ADAM18: variants seen among roughly 807,000 people sequenced by gnomAD.
ADAM18 encodes the protein ADAM metallopeptidase domain 18.
A neutral mutation model predicts 94.4 loss-of-function variants in ADAM18; 117 were observed. That is an observed-to-expected ratio of 1.24 (90% CI 1.07 to 1.45). The LOEUF (loss-of-function observed/expected upper bound fraction) is 1.45. Among genes scored for constraint, ADAM18 ranks in the 40% most tolerant of loss-of-function variants. ADAM18 has a pLI of 0.00. For missense variants in ADAM18, 936 were observed against 880.0 expected, an observed-to-expected ratio of 1.06 and a Z score of -0.81; for synonymous variants, 327 against 291.6, an observed-to-expected ratio of 1.12 and a Z score of -1.24.
chr8:39,607,851 T>C (rs1003134773), intron 3 of ADAM18, among the ~76,000 whole-genome samples: 1 of 151,994 alleles, frequency 6.6e-6, no homozygotes, highest in Non-Finnish European at 1.5e-5. Context: ...AATCATCTGG[T>C]TGTTTAATTC....
chr8:39,614,913 T>C (rs1164934653), intron 6 of ADAM18, among the ~76,000 whole-genome samples: 2 of 152,194 alleles, frequency 1.3e-5, no homozygotes, highest in African/African-American at 4.8e-5. Context: ...TTAACTATCC[T>C]AAACAGATTT....
At chr8:39,632,840 C>G (rs186693375) in intron 7 of ADAM18, among the ~76,000 whole-genome samples, 1 of 152,206 alleles carries the variant, frequency 6.6e-6, no homozygotes, top group East Asian at 1.9e-4. Context: ...ATATGATATA[C>G]ATAGGGAAGT....
chr8:39,679,187 T>C (rs1024849027), intron 15 of ADAM18, among the ~76,000 whole-genome samples: 4 of 152,184 alleles, frequency 2.6e-5, no homozygotes, highest in African/African-American at 9.6e-5. Context: ...AAGCCTCAAA[T>C]GATTCTTTTA....
At chr8:39,683,666 A>G (rs1821529457) in intron 16 of ADAM18, among the ~76,000 whole-genome samples, 1 of 152,172 alleles carries the variant, frequency 6.6e-6, no homozygotes, top group African/African-American at 2.4e-5. Flanking sequence ...TATATTCAGT[A>G]TTTTCCATGA....
intron 14 of ADAM18, among the ~76,000 whole-genome samples, chr8:39,673,312 T>C (rs981100843): frequency 6.6e-6 from 1 of 151,852 alleles, no homozygotes; most frequent in Non-Finnish European, 1.5e-5. Flanking sequence ...TTGGCAAGTG[T>C]ATTATTATTA....
At position 39,612,993 on chromosome 8, in the gene ADAM18, T is replaced by C. The variant is rs141113211; in HGVS notation, c.522+2287T>C. ...TCACCCCTGCCAGTACATGTACACA[T>C]GCAGACCCCATAGAGCTACCACCGC... On this transcript the variant is annotated intron_variant, in intron 6 of 19. Transcript: ENST00000265707. 2.8e-3 allele frequency among the ~76,000 whole-genome samples: 423 copies of C among 152,272 alleles called. 5 individuals carry two copies. The highest frequency in any genetic ancestry group is 9.8e-3 in the African/African-American group (407 of 41,558).
rs140386827 is a variant in ADAM18, at chr8:39,702,605, T to C, written c.1903-4185T>C. On this transcript the variant is annotated intron_variant, in intron 17 of 19. Transcript: ENST00000265707. ...TTGCCTAGGTCTTATTCCAAGGTTT[T>C]TGTAGTTTTGGATTTTAATTTTAAG... 3.5e-4 allele frequency among the ~76,000 whole-genome samples: 53 copies of C among 152,316 alleles called. No homozygotes were observed. In the East Asian group the frequency reaches 7.1e-3, roughly 20 times the overall value.
chr8:39,655,573 A>G lies in ADAM18; in HGVS notation c.1230+7046A>G, dbSNP rs114121897. Reference sequence around the variant, plus strand: ...AACATCATGCATAACAGTTGTTCTCACTGAGGTCAGAAATGAGGCAGTGAT... The same window carrying G: ...AACATCATGCATAACAGTTGTTCTCGCTGAGGTCAGAAATGAGGCAGTGAT... On this transcript the variant is annotated intron_variant, in intron 12 of 19. Transcript: ENST00000265707. Among the ~76,000 whole-genome samples the G allele has an allele frequency of 6.0e-3, 914 of 152,226 alleles. 5 individuals carry two copies. The highest frequency in any genetic ancestry group is 0.021 in the African/African-American group (868 of 41,570).
rs115423727 is a variant in ADAM18 at position 39,718,137 on chromosome 8, C to G, written c.2018-5611C>G. ...TTGGTAAGGATATAAAATGGTGCAG[C>G]TGTTATGAAAAACAGTATGGAGGTT... On this transcript the variant is annotated intron_variant, in intron 18 of 19. Coordinates refer to ENST00000265707, the MANE Select transcript of ADAM18 (RefSeq NM_014237.3). Among the ~76,000 whole-genome samples, 933 of 151,564 alleles carry G rather than the reference C, an allele frequency of 6.2e-3. 10 individuals carry two copies. The highest frequency in any genetic ancestry group is 0.021 in the African/African-American group (886 of 41,448).
chr8:39,602,198 A>T (rs547652535), intron 2 of ADAM18, among the ~76,000 whole-genome samples: 1 of 152,272 alleles, frequency 6.6e-6, no homozygotes, highest in East Asian at 1.9e-4. Flanking sequence ...TGAGGTTTTA[A>T]ATCATATAAT....
intron 6 of ADAM18, chr8:39,610,942 A>G: frequency 8.2e-7 from 1 of 1,225,258 alleles, no homozygotes; most frequent in Non-Finnish European, 1.0e-6. Flanking sequence ...TTTCAAACAA[A>G]ATGATACTAT....
At chr8:39,609,957 G>T (rs896600290) in intron 5 of ADAM18, among the ~76,000 whole-genome samples, 2 of 152,062 alleles carry the variant, frequency 1.3e-5, no homozygotes, top group African/African-American at 4.8e-5. Context: ...GATCCCTCAG[G>T]AATAAAGGAT....
At chr8:39,660,497 G>A (rs1432479604) in intron 12 of ADAM18, among the ~76,000 whole-genome samples, 1 of 151,952 alleles carries the variant, frequency 6.6e-6, no homozygotes, top group Non-Finnish European at 1.5e-5. Context: ...ACAGTCACAA[G>A]AAACAACAAA....
chr8:39,722,574 C>T (rs1332709690), intron 18 of ADAM18, among the ~76,000 whole-genome samples: 1 of 151,234 alleles, frequency 6.6e-6, no homozygotes, highest in Non-Finnish European at 1.5e-5. Context: ...CTATTGAATA[C>T]AATGTACACT....
chr8:39,688,697 T>G (rs1338556217), intron 16 of ADAM18, among the ~76,000 whole-genome samples: 1 of 152,204 alleles, frequency 6.6e-6, no homozygotes, highest in East Asian at 1.9e-4. Flanking sequence ...TGAACATACA[T>G]GTGCCCTTAT....
chr8:39,696,789 A>T (rs1307437380), intron 17 of ADAM18, among the ~76,000 whole-genome samples: 2 of 151,540 alleles, frequency 1.3e-5, no homozygotes, highest in Non-Finnish European at 3.0e-5. Flanking sequence ...TTTTGTCCTC[A>T]GGAAGTATAA....
At chr8:39,640,602 A>C (rs968859456) in intron 10 of ADAM18, among the ~76,000 whole-genome samples, 1 of 152,188 alleles carries the variant, frequency 6.6e-6, no homozygotes, top group Non-Finnish European at 1.5e-5. Context: ...AGGAATTGCC[A>C]CACTGTGTTC....
At position 39,632,136 on chromosome 8, in the gene ADAM18, AT is replaced by A. The variant is rs1215544813; in HGVS notation, c.588+2704del. On this transcript the variant is annotated intron_variant, in intron 7 of 19. Transcript: ENST00000265707. ...TTTTAATTTCAAATTTTAATTTTTA[AT>A]TTTTTTCTTTATCAATTTTTACTCC... Among the ~76,000 whole-genome samples the A allele has an allele frequency of 9.9e-5, 15 of 151,184 alleles. No homozygotes were observed. In the East Asian group the frequency reaches 2.7e-3, roughly 27 times the overall value.
rs111248844 is a variant in ADAM18 at position 39,697,166 on chromosome 8, C to T, written c.1902+4486C>T. Among the ~76,000 whole-genome samples the T allele has an allele frequency of 5.4e-3, 816 of 151,422 alleles. 6 individuals carry two copies. The highest frequency in any genetic ancestry group is 7.2e-3 in the Non-Finnish European group (485 of 67,472). On this transcript the variant is annotated intron_variant, in intron 17 of 19. Transcript: ENST00000265707. ...TTTTCTCAATTTCCTTTTTGGGTTA[C>T]GCATTGCTAGCCAGTGTATTAAAAT...
Sources: gnomAD v4.1 joint callset for allele counts (sites outside exome capture counted in the v4.1 genomes callset) on GRCh38, gnomAD v4.1.1 for gene constraint, MANE v1.5 for transcripts, NCBI Gene and HGNC (gene_info 2026-07-23, HGNC 2026-07-21) for gene names.